Variants in ANO10 observed in about 807,000 individuals in gnomAD.
The protein encoded by ANO10 is anoctamin-10.
Under a neutral mutation model 74.7 loss-of-function variants are expected in ANO10, and 77 were observed. The ratio of observed to expected loss-of-function variants is 1.03; its 90% CI spans 0.86 to 1.25. The LOEUF is 1.25. Ranked by LOEUF, ANO10 falls within the 50% of genes most tolerant of loss-of-function variation. ANO10 has a pLI of 0.00. For synonymous variants in ANO10, 279 were observed against 284.9 expected, an observed-to-expected ratio of 0.98 and a Z score of 0.21; for missense variants, 721 against 778.1, an observed-to-expected ratio of 0.93 and a Z score of 0.87.
At chr3:43,498,950 T>C (rs994643196) in intron 11 of ANO10, among the ~76,000 whole-genome samples, 2 of 152,224 alleles carry the variant, frequency 1.3e-5, no homozygotes, top group Non-Finnish European at 2.9e-5. Flanking sequence ...GTCTTGAGGC[T>C]GTGGTGCTTG....
At chr3:43,412,701 C>A (rs1239750224) in intron 12 of ANO10, among the ~76,000 whole-genome samples, 1 of 151,834 alleles carries the variant, frequency 6.6e-6, no homozygotes, top group Non-Finnish European at 1.5e-5. Flanking sequence ...GCTATGATCT[C>A]AAAAAAAATC....
chr3:43,486,775 A>C (rs1265076767), intron 11 of ANO10, among the ~76,000 whole-genome samples: 12 of 152,048 alleles, frequency 7.9e-5, no homozygotes, highest in African/African-American at 1.5e-4. Context: ...TTCCTCTTTT[A>C]CTAATTGAAT....
chr3:43,597,310 C>G (rs1454809468), intron 4 of ANO10, among the ~76,000 whole-genome samples: 2 of 152,178 alleles, frequency 1.3e-5, no homozygotes, highest in Non-Finnish European at 2.9e-5. Flanking sequence ...GACACATGCA[C>G]ACGTATGTTT....
At chr3:43,409,266 G>C (rs1233097157) in intron 12 of ANO10, among the ~76,000 whole-genome samples, 2 of 152,122 alleles carry the variant, frequency 1.3e-5, no homozygotes, top group African/African-American at 4.8e-5. Context: ...AAAAGGAAGT[G>C]TCTGGGCACA....
chr3:43,678,570 C>T (rs531504796), intron 1 of ANO10, among the ~76,000 whole-genome samples: 1 of 152,214 alleles, frequency 6.6e-6, no homozygotes, highest in Non-Finnish European at 1.5e-5. Flanking sequence ...TCACATACCC[C>T]CTGCTTGCTC....
chr3:43,612,905 C>T (rs746810145), intron 1 of ANO10, among the ~76,000 whole-genome samples: 2 of 152,130 alleles, frequency 1.3e-5, no homozygotes, highest in Non-Finnish European at 2.9e-5. Context: ...CGGTGGCTCA[C>T]GCCTATAATC....
chr3:43,462,753 G>T (rs2075435732), intron 11 of ANO10, among the ~76,000 whole-genome samples: 2 of 152,212 alleles, frequency 1.3e-5, no homozygotes, highest in African/African-American at 4.8e-5. Flanking sequence ...CAGGCCAGGA[G>T]GCCTAGGAGG....
At chr3:43,495,740 C>A (rs1211195281) in intron 11 of ANO10, among the ~76,000 whole-genome samples, 1 of 151,866 alleles carries the variant, frequency 6.6e-6, no homozygotes, top group African/African-American at 2.4e-5. Context: ...TCACTCTGTC[C>A]CCCAGGCTGG....
chr3:43,648,111 C>G (rs1288693136), intron 1 of ANO10, among the ~76,000 whole-genome samples: 1 of 152,166 alleles, frequency 6.6e-6, no homozygotes, highest in Non-Finnish European at 1.5e-5. Flanking sequence ...AGAATCTCAC[C>G]CTCCTCTGGG....
chr3:43,591,349 G>A (rs752959578), intron 4 of ANO10, among the ~76,000 whole-genome samples: 1 of 152,148 alleles, frequency 6.6e-6, no homozygotes, highest in Non-Finnish European at 1.5e-5. Flanking sequence ...AAGTGCCCAG[G>A]TTCATCCTAA....
chr3:43,581,970 A>G (rs2081282810), intron 4 of ANO10, among the ~76,000 whole-genome samples: 3 of 152,062 alleles, frequency 2.0e-5, no homozygotes, highest in Admixed American at 2.0e-4. Context: ...TGCATTAAGA[A>G]AGGATGCTTT....
intron 12 of ANO10, among the ~76,000 whole-genome samples, chr3:43,416,605 T>A (rs2092742739): frequency 6.6e-6 from 1 of 152,212 alleles, no homozygotes; most frequent in Admixed American, 6.5e-5. Flanking sequence ...GGTATTCTGC[T>A]TTTTGCTCTC....
chr3:43,434,519 G>A (rs966995645), intron 11 of ANO10, among the ~76,000 whole-genome samples: 1 of 152,198 alleles, frequency 6.6e-6, no homozygotes, highest in African/African-American at 2.4e-5. Context: ...AATCTTCCAT[G>A]TATTTCAGAG....
chr3:43,470,348 CTTTTGT>C (rs2075800425), intron 11 of ANO10, among the ~76,000 whole-genome samples: 1 of 151,976 alleles, frequency 6.6e-6, no homozygotes, highest in Admixed American at 6.6e-5. Flanking sequence ...TATCGTAATT[CTTTTGT>C]TTTTGTTTTT....
At chr3:43,592,130 T>A (rs1162883313) in intron 4 of ANO10, among the ~76,000 whole-genome samples, 1 of 152,106 alleles carries the variant, frequency 6.6e-6, no homozygotes, top group Non-Finnish European at 1.5e-5. Flanking sequence ...CGACCACAGC[T>A]CAAGGAGGCC....
At chr3:43,497,168 A>G (rs1321028646) in intron 11 of ANO10, among the ~76,000 whole-genome samples, 1 of 152,200 alleles carries the variant, frequency 6.6e-6, no homozygotes, top group Non-Finnish European at 1.5e-5. Flanking sequence ...AACCTACTGG[A>G]GGGTAAATGT....
chr3:43,421,528 TAAAGA>T (rs1314001727), intron 12 of ANO10, among the ~76,000 whole-genome samples: 5 of 145,212 alleles, frequency 3.4e-5, no homozygotes, highest in East Asian at 4.2e-4. Flanking sequence ...TCTCAAAAAA[TAAAGA>T]AAAGAAAAGA....
intron 11 of ANO10, among the ~76,000 whole-genome samples, chr3:43,467,951 T>A (rs1184533376): frequency 6.6e-6 from 1 of 152,208 alleles, no homozygotes; most frequent in Non-Finnish European, 1.5e-5. Flanking sequence ...GGAAAAACAC[T>A]GACACTTTAT....
At chr3:43,444,447 T>TA (rs1469735813) in intron 11 of ANO10, among the ~76,000 whole-genome samples, 1 of 152,064 alleles carries the variant, frequency 6.6e-6, no homozygotes, top group Non-Finnish European at 1.5e-5. Context: ...ACTTGACAAG[T>TA]AAAAAAACCA....
Sources: gnomAD v4.1 joint callset for allele counts (sites outside exome capture counted in the v4.1 genomes callset) on GRCh38, gnomAD v4.1.1 for gene constraint, MANE v1.5 for transcripts, NCBI Gene and HGNC (gene_info 2026-07-23, HGNC 2026-07-21) for gene names.